Variants in CDC73 observed in about 807,000 individuals in gnomAD.
CDC73 encodes the protein cell division cycle 73, also known as parafibromin.
Under a neutral mutation model 83.7 loss-of-function variants are expected in CDC73, and 21 were observed. That is an observed-to-expected ratio of 0.25 (90% confidence interval 0.18 to 0.36). The LOEUF is 0.36. CDC73 is among the 10% of genes least tolerant of loss of function. CDC73 has a pLI of 1.00. For missense variants in CDC73, 342 were observed against 653.3 expected (o/e 0.52, Z 5.19); for synonymous variants, 224 against 212.9 (o/e 1.05, Z -0.45).
At chr1:193,211,969 A>G (rs1677287035) in intron 11 of CDC73, 96 bp from the exon 12 acceptor site, 1 of 910,070 alleles carries the variant, frequency 1.1e-6, no homozygotes, top group East Asian at 2.6e-5. Context: ...TCATATGGGA[A>G]TACACATAAT....
At chr1:193,179,163 T>C (rs1457347163) in intron 10 of CDC73, 4 of 152,080 alleles carry the variant, frequency 2.6e-5, no homozygotes, top group Non-Finnish European at 4.4e-5. Flanking sequence ...CCCAAAAAGG[T>C]TTTTAATTGG....
At chr1:193,125,445 G>C (rs1033168446) in intron 2 of CDC73, among the ~76,000 whole-genome samples, 1 of 152,092 alleles carries the variant, frequency 6.6e-6, no homozygotes, top group Admixed American at 6.6e-5. Flanking sequence ...TGTTGTTAAA[G>C]ATGAGGGGGT....
At position 193,212,081 on chromosome 1, in the gene CDC73, T is replaced by C. The variant is rs1225995248; in HGVS notation, c.1047T>C (p.Pro349=). The C allele has an allele frequency of 6.3e-7, 1 of 1,584,722 alleles. No individual in the cohort carries two copies. Among genetic ancestry groups the C allele is most frequent in the Non-Finnish European group, 8.6e-7 (1 of 1,160,650 alleles). ...TTTTCACAGTTTCTCAAGCAAGACC[T>C]CCCCCAAATCAGAAGAAAGGTGAGG... The part of the protein sequence containing the change: ...PVPRPVSQAR[P]PPNQKKGSRT... Residue 349 remains proline, a synonymous_variant, in exon 12 of 17, where the codon CCT becomes CCC. Transcript: ENST00000367435.
At chr1:193,183,446 A>T (rs1051414972) in intron 10 of CDC73, among the ~76,000 whole-genome samples, 2 of 148,862 alleles carry the variant, frequency 1.3e-5, no homozygotes, top group Non-Finnish European at 3.0e-5. Flanking sequence ...GAATTTGTTT[A>T]TATGAATTTA....
chr1:193,185,736 A>G (rs1275793452), intron 10 of CDC73, among the ~76,000 whole-genome samples: 2 of 151,952 alleles, frequency 1.3e-5, no homozygotes, highest in African/African-American at 4.8e-5. Context: ...TTTTTTTTTA[A>G]GTTTAATTTC....
chr1:193,162,363 A>G (rs920092138), intron 10 of CDC73, among the ~76,000 whole-genome samples: 16 of 139,964 alleles, frequency 1.1e-4, no homozygotes, highest in Admixed American at 9.5e-4. Context: ...TATATTATAT[A>G]TAGTGTATAT....
intron 10 of CDC73, among the ~76,000 whole-genome samples, chr1:193,168,666 G>A (rs1371543578): frequency 6.6e-6 from 1 of 152,050 alleles, no homozygotes; most frequent in East Asian, 1.9e-4. Flanking sequence ...TGGGATTACA[G>A]GCGCCTGCCA....
At chr1:193,168,689 A>G (rs933269779) in intron 10 of CDC73, among the ~76,000 whole-genome samples, 5 of 151,872 alleles carry the variant, frequency 3.3e-5, no homozygotes, top group Non-Finnish European at 7.4e-5. Flanking sequence ...ATGGCTGGCT[A>G]ATTTTTGTAT....
At chr1:193,228,616 T>C (rs940613050) in intron 13 of CDC73, among the ~76,000 whole-genome samples, 1 of 152,192 alleles carries the variant, frequency 6.6e-6, no homozygotes, top group African/African-American at 2.4e-5. Flanking sequence ...TGGATAAATA[T>C]ATGGGTGGAG....
intron 2 of CDC73, among the ~76,000 whole-genome samples, chr1:193,128,437 C>G (rs1255614750): frequency 6.6e-6 from 1 of 151,772 alleles, no homozygotes; most frequent in African/African-American, 2.4e-5. Flanking sequence ...GGGAGTATAG[C>G]TGGGACTGCA....
At chr1:193,205,729 A>T (rs553585893) in intron 11 of CDC73, among the ~76,000 whole-genome samples, 1 of 152,294 alleles carries the variant, frequency 6.6e-6, no homozygotes, top group African/African-American at 2.4e-5. Flanking sequence ...TAAATTCAAC[A>T]AATATTATTT....
Position 193,252,708 on chromosome 1 carries a change from C to T in CDC73, c.*1996C>T. On this transcript the variant is annotated 3_prime_UTR_variant, in exon 17 of 17. Coordinates refer to ENST00000367435, the MANE Select transcript of CDC73 (RefSeq NM_024529.5). ...GACAATTTAGTCTCTTATTTAGGTCCATGTAATTAATTTCATTCCATTATT... is the reference window on the plus strand; with the variant it reads ...GACAATTTAGTCTCTTATTTAGGTCTATGTAATTAATTTCATTCCATTATT... 1 of 231,276 alleles carries T rather than the reference C, an allele frequency of 4.3e-6. No individual in the cohort carries two copies. The highest frequency in any genetic ancestry group is 8.6e-6 in the Non-Finnish European group (1 of 116,810). The allele number at this position is 231,276 out of a possible 1,614,324, so 14.3% of individuals were successfully genotyped here. A position where few individuals can be genotyped will look rare whatever the true frequency, so the allele number is the denominator to read the frequency against.
At position 193,252,430 on chromosome 1, in the gene CDC73, G is replaced by A. The variant is rs1199612108; in HGVS notation, c.*1718G>A. 2 of 229,838 alleles carry A rather than the reference G, an allele frequency of 8.7e-6. No homozygotes were observed. The highest frequency in any genetic ancestry group is 1.7e-5 in the Non-Finnish European group (2 of 116,058). 14.2% of individuals were successfully genotyped at this position (229,838 alleles called of 1,614,324 possible). ...TACTTGTCAAGACTACTACAAGTCA[G>A]TATGAACTACCTTCCCATAAAGATT... On this transcript the variant is annotated 3_prime_UTR_variant, in exon 17 of 17. Coordinates refer to ENST00000367435, the MANE Select transcript of CDC73 (RefSeq NM_024529.5).
intron 1 of CDC73, 22 bp downstream of exon 1, chr1:193,122,353 C>G: frequency 6.2e-7 from 1 of 1,613,824 alleles, no homozygotes; most frequent in South Asian, 1.1e-5. Context: ...ATGGCTGTGG[C>G]CCAGGGGTGG....
intron 13 of CDC73, among the ~76,000 whole-genome samples, chr1:193,222,634 G>A (rs1437194836): frequency 1.3e-5 from 2 of 152,028 alleles, no homozygotes; most frequent in African/African-American, 4.8e-5. Context: ...TTTATCTGCT[G>A]TAGCTAGATG....
rs776044458 is a variant in CDC73 at position 193,181,116 on chromosome 1, T to G, written c.973-22679T>G. The G allele has an allele frequency of 1.5e-5, 24 of 1,613,916 alleles. No individual in the cohort carries two copies. In the South Asian group the frequency reaches 2.6e-4, roughly 18 times the overall value. On this transcript the variant is annotated intron_variant, in intron 10 of 16. Transcript: ENST00000367435. ...CTATTAGTAGTATTAAAAAAGGACTTTTCTCTTGGCATTTTTCAGGCTCAT... is the reference window on the plus strand; with the variant it reads ...CTATTAGTAGTATTAAAAAAGGACTGTTCTCTTGGCATTTTTCAGGCTCAT...
rs559586240 is a variant in CDC73 at position 193,203,771 on chromosome 1, A to G, written c.973-24A>G. 515 of 1,574,400 alleles carry G rather than the reference A, an allele frequency of 3.3e-4. 9 individuals are homozygous for G. The South Asian group carries it at 5.4e-3, about 17-fold the overall frequency. On this transcript the variant is annotated intron_variant, in intron 10 of 16. Coordinates refer to ENST00000367435, the MANE Select transcript of CDC73 (RefSeq NM_024529.5). Reference sequence around the variant, plus strand: ...TTATGTAAAGAAACTTTGATCTTATATATCAATTCTTATTCTTTTAAAGGA... The same window carrying G: ...TTATGTAAAGAAACTTTGATCTTATGTATCAATTCTTATTCTTTTAAAGGA...
intron 15 of CDC73, among the ~76,000 whole-genome samples, chr1:193,238,446 T>C (rs189142806): frequency 2.6e-5 from 4 of 152,226 alleles, no homozygotes; most frequent in East Asian, 3.8e-4. Context: ...GACTCAAATA[T>C]TGGATACTGT....
intron 14 of CDC73, among the ~76,000 whole-genome samples, chr1:193,234,947 G>A (rs1405707111): frequency 6.6e-6 from 1 of 151,940 alleles, no homozygotes; most frequent in East Asian, 1.9e-4. Flanking sequence ...GTTTTAGGGA[G>A]ATTTTGAGCA....
Sources: gnomAD v4.1 joint callset for allele counts (sites outside exome capture counted in the v4.1 genomes callset) on GRCh38, gnomAD v4.1.1 for gene constraint, MANE v1.5 for transcripts, NCBI Gene and HGNC (gene_info 2026-07-23, HGNC 2026-07-21) for gene names.